ACTR3B: variants seen among roughly 807,000 people sequenced by gnomAD.
The protein encoded by ACTR3B is actin related protein 3B, also known as actin-related protein 3B.
Under a neutral mutation model 59.0 loss-of-function variants are expected in ACTR3B, and 8 were observed. The ratio of observed to expected loss-of-function variants is 0.14; its 90% CI spans 0.08 to 0.24. The LOEUF is 0.24. Ranked by LOEUF, ACTR3B falls within the 10% of genes least tolerant of loss-of-function variation. The pLI is 1.00. For synonymous variants in ACTR3B, 148 were observed against 197.9 expected (o/e 0.75, Z 2.12); for missense variants, 245 against 552.3 (o/e 0.44, Z 5.58).
rs929846580 is a variant in ACTR3B at position 152,854,210 on chromosome 7, C to T, written c.1162-248C>T. 1.3e-5 allele frequency among the ~76,000 whole-genome samples: 2 copies of T among 152,150 alleles called. No individual in the cohort carries two copies. Among genetic ancestry groups the T allele is most frequent in the African/African-American group, 4.8e-5 (2 of 41,432 alleles). ...TTCCCCCTCACATTTGTGAATAGCT[C>T]ACACATTGTTAGTGGGGGACCGGCA... On this transcript the variant is annotated intron_variant, in intron 11 of 11. Coordinates refer to ENST00000256001, the MANE Select transcript of ACTR3B (RefSeq NM_020445.6). This position sits in a 1 kb window ranked among gnomAD's most constrained non-coding sequence, Gnocchi z 4.9.
At chr7:152,822,134 G>C (rs1796218455) in intron 7 of ACTR3B, among the ~76,000 whole-genome samples, 1 of 152,242 alleles carries the variant, frequency 6.6e-6, no homozygotes. Flanking sequence ...ACACAGGGTT[G>C]TGTAGCACTT....
At chr7:152,851,780 G>A (rs955703167) in intron 9 of ACTR3B, among the ~76,000 whole-genome samples, 1 of 152,268 alleles carries the variant, frequency 6.6e-6, no homozygotes, top group African/African-American at 2.4e-5. Context: ...GGGAGAGCTG[G>A]TGTTATTTTG....
intron 1 of ACTR3B, among the ~76,000 whole-genome samples, chr7:152,769,459 C>G (rs397839680): frequency 1.3e-5 from 2 of 152,056 alleles, no homozygotes; most frequent in African/African-American, 4.8e-5. Flanking sequence ...ATATATATTT[C>G]TCCATCCTTT....
chr7:152,759,977 C>T (rs757506335), intron 1 of ACTR3B, 51 bp downstream of exon 1: 959 of 1,293,998 alleles, frequency 7.4e-4, no homozygotes, highest in Non-Finnish European at 9.1e-4. Flanking sequence ...CCGCTCCCGG[C>T]CCCTGGCGTC....
intron 2 of ACTR3B, among the ~76,000 whole-genome samples, chr7:152,791,922 C>T (rs941928382): frequency 8.5e-5 from 13 of 152,220 alleles, no homozygotes; most frequent in African/African-American, 2.2e-4. Flanking sequence ...GACAGAATCT[C>T]GCTTTGTTGC....
At chr7:152,839,210 G>A (rs1240578933) in intron 9 of ACTR3B, among the ~76,000 whole-genome samples, 18 of 145,366 alleles carry the variant, frequency 1.2e-4, no homozygotes, top group Admixed American at 1.2e-3. Context: ...CACAGGAAGG[G>A]AGGCAGTGTG....
chr7:152,794,527 CTT>C (rs2098209140), intron 2 of ACTR3B, among the ~76,000 whole-genome samples: 1 of 152,178 alleles, frequency 6.6e-6, no homozygotes, highest in Admixed American at 6.6e-5. Flanking sequence ...TCTTTACAAT[CTT>C]TTATATTGAC....
In ACTR3B at chr7:152,825,103, T is replaced by G. The variant is rs751281123; in HGVS notation, c.932T>G (p.Val311Gly). Residue 311 changes from valine to glycine, a missense_variant, in exon 9 of 12, where the codon GTG (valine) becomes GGG (glycine). By Grantham distance (109) the Val-to-Gly change is moderately radical. Transcript: ENST00000256001. ...DEVIQNCPID[V>G]RRPLYKNVVL... ...GTAATACAGAACTGCCCCATCGATG[T>G]GCGGCGCCCGCTGTATAAGGTATGA... The G allele has an allele frequency of 1.9e-5, 31 of 1,613,654 alleles. No homozygotes were observed. The highest frequency in any genetic ancestry group is 2.7e-5 in the African/African-American group (2 of 74,908).
At chr7:152,852,608 A>C (rs1343639625) in intron 10 of ACTR3B, among the ~76,000 whole-genome samples, 1 of 152,144 alleles carries the variant, frequency 6.6e-6, no homozygotes, top group Non-Finnish European at 1.5e-5. Flanking sequence ...TCCTTCGGAA[A>C]TGTTCTCATT....
rs1232727208 is a variant in ACTR3B at position 152,854,409 on chromosome 7, ACTTT to A, written c.1162-45_1162-42del. On this transcript the variant is annotated intron_variant, in intron 11 of 11. Coordinates refer to ENST00000256001, the MANE Select transcript of ACTR3B (RefSeq NM_020445.6). This position sits in a 1 kb window ranked among gnomAD's most constrained non-coding sequence, Gnocchi z 4.9. ...GCCTGCTTGGTAGCTGGTTCCCTTG[ACTTT>A]CTTCTGAAATGAGTGTCTTTCTGTC... 1 of 1,564,244 alleles carries A rather than the reference ACTTT, an allele frequency of 6.4e-7. No individual in the cohort carries two copies. Among genetic ancestry groups the A allele is most frequent in the Non-Finnish European group, 8.8e-7 (1 of 1,135,162 alleles).
At chr7:152,781,581 G>C (rs2116606388) in intron 1 of ACTR3B, among the ~76,000 whole-genome samples, 1 of 152,294 alleles carries the variant, frequency 6.6e-6, no homozygotes, top group East Asian at 1.9e-4. Context: ...AGCTGATGTA[G>C]CTTGTTAAAG....
chr7:152,851,068 G>C (rs1042591854), intron 9 of ACTR3B, among the ~76,000 whole-genome samples: 1 of 152,202 alleles, frequency 6.6e-6, no homozygotes, highest in African/African-American at 2.4e-5. Context: ...CCTCCAGTGG[G>C]TGCCTGAAAC....
At chr7:152,792,915 C>T (rs2098201895) in intron 2 of ACTR3B, among the ~76,000 whole-genome samples, 1 of 151,552 alleles carries the variant, frequency 6.6e-6, no homozygotes, top group Non-Finnish European at 1.5e-5. Flanking sequence ...TTTTGCTGAA[C>T]ATAGAATTCT....
intron 9 of ACTR3B, among the ~76,000 whole-genome samples, chr7:152,850,365 A>C (rs1304533452): frequency 6.6e-6 from 1 of 151,820 alleles, no homozygotes; most frequent in Non-Finnish European, 1.5e-5. Context: ...GTGGAAGGCC[A>C]GATCACTGGT....
At chr7:152,847,282 G>A (rs1258832551) in intron 9 of ACTR3B, among the ~76,000 whole-genome samples, 12 of 152,294 alleles carry the variant, frequency 7.9e-5, no homozygotes, top group Admixed American at 4.6e-4. Flanking sequence ...TGTTTTCTTC[G>A]CGTCTGTAGC....
At chr7:152,773,665 A>G (rs1156648982) in intron 1 of ACTR3B, among the ~76,000 whole-genome samples, 1 of 152,224 alleles carries the variant, frequency 6.6e-6, no homozygotes, top group Non-Finnish European at 1.5e-5. Context: ...ATTTGATTGC[A>G]AAACAAAAAA....
intron 1 of ACTR3B, among the ~76,000 whole-genome samples, chr7:152,779,100 G>A (rs1391952372): frequency 4.0e-5 from 6 of 151,760 alleles, no homozygotes; most frequent in African/African-American, 1.5e-4. Flanking sequence ...TGACAGTGAG[G>A]AAGCTTGCAT....
Position 152,854,593 on chromosome 7 carries a change from G to A in ACTR3B, c.*40G>A, listed in dbSNP as rs1377408077. On this transcript the variant is annotated 3_prime_UTR_variant, in exon 12 of 12. Coordinates refer to ENST00000256001, the MANE Select transcript of ACTR3B (RefSeq NM_020445.6). This position sits in a 1 kb window ranked among gnomAD's most constrained non-coding sequence, Gnocchi z 4.9. ...CGTCGTTCGATGGTGTCACGTTGGG[G>A]AACAAGTGTCCTTCAGAACCCAGAG... 1.1e-5 allele frequency: 18 copies of A among 1,593,416 alleles called. No homozygotes were observed. Among genetic ancestry groups the A allele is most frequent in the Non-Finnish European group, 1.3e-5 (15 of 1,162,380 alleles).
intron 1 of ACTR3B, among the ~76,000 whole-genome samples, chr7:152,762,165 C>T (rs559849829): frequency 4.6e-5 from 7 of 152,180 alleles, no homozygotes; most frequent in South Asian, 2.1e-4. Context: ...AGGTAAACCC[C>T]GAGACTACCT....
Sources: allele counts gnomAD v4.1 joint callset (sites outside exome capture counted in the v4.1 genomes callset), GRCh38; gene constraint gnomAD v4.1.1; non-coding constraint Gnocchi (gnomAD v3.1); transcripts MANE v1.5; gene names NCBI Gene and HGNC (gene_info 2026-07-23, HGNC 2026-07-21).